Variants in MRTFA observed in about 807,000 individuals in gnomAD.
The protein encoded by MRTFA is myocardin related transcription factor A.
Under a neutral mutation model 83.5 loss-of-function variants are expected in MRTFA, and 20 were observed. The observed-to-expected ratio is 0.24, with a 90% CI of 0.17 to 0.35. The LOEUF is 0.35. Among genes scored for constraint, MRTFA ranks in the 10% least tolerant of loss-of-function variants. MRTFA has a pLI of 1.00. For synonymous variants in MRTFA, 659 were observed against 541.2 expected, an observed-to-expected ratio of 1.22 and a Z score of -3.02; for missense variants, 1,200 against 1,224.7, an observed-to-expected ratio of 0.98 and a Z score of 0.30.
chr22:40,423,782 G>A (rs1261189917), intron 8 of MRTFA, 97 bp from the exon 9 acceptor site: 25 of 1,158,146 alleles, frequency 2.2e-5, no homozygotes, highest in Non-Finnish European at 2.9e-5. Flanking sequence ...CGCCACCATT[G>A]TCAGAGGGCA....
chr22:40,436,226 C>A (rs62239076), intron 4 of MRTFA: 4,704 of 154,884 alleles, frequency 0.03, 117 homozygotes, highest in Non-Finnish European at 0.048. Context: ...CTAGGCCTCA[C>A]ATTATTCTCA....
chr22:40,590,021 C>CG (rs1470401163), intron 2 of MRTFA, among the ~76,000 whole-genome samples: 5 of 134,794 alleles, frequency 3.7e-5, no homozygotes, highest in South Asian at 2.3e-4. Context: ...GACTCCGTCT[C>CG]GAAAAAAAAA....
intron 2 of MRTFA, among the ~76,000 whole-genome samples, chr22:40,593,751 T>C (rs2056152965): frequency 6.6e-6 from 1 of 152,198 alleles, no homozygotes; most frequent in Admixed American, 6.5e-5. Context: ...CAAGAACCTG[T>C]GCTAAGTGTA....
At chr22:40,541,483 T>C (rs141425151) in intron 3 of MRTFA, among the ~76,000 whole-genome samples, 11 of 152,264 alleles carry the variant, frequency 7.2e-5, no homozygotes, top group African/African-American at 2.6e-4. Flanking sequence ...ACTCAAAAGA[T>C]AACATAACCC....
chr22:40,421,244 C>T (rs775566462), intron 9 of MRTFA, 144 bp from the exon 10 acceptor site: 80 of 907,988 alleles, frequency 8.8e-5, no homozygotes, highest in Non-Finnish European at 1.1e-4. Context: ...CCTGTGGGAC[C>T]GTACACCCCG....
intron 2 of MRTFA, among the ~76,000 whole-genome samples, chr22:40,559,349 C>T (rs2055579649): frequency 6.6e-6 from 1 of 152,152 alleles, no homozygotes; most frequent in Non-Finnish European, 1.5e-5. Flanking sequence ...GATCATGCCA[C>T]TGCACTCCAG....
At chr22:40,432,975 G>C (rs1460313379) in intron 5 of MRTFA, among the ~76,000 whole-genome samples, 1 of 152,176 alleles carries the variant, frequency 6.6e-6, no homozygotes, top group Non-Finnish European at 1.5e-5. Flanking sequence ...ATATAGTACT[G>C]ATTAAGAAAA....
At chr22:40,480,311 G>C (rs2054067017) in intron 3 of MRTFA, among the ~76,000 whole-genome samples, 1 of 151,338 alleles carries the variant, frequency 6.6e-6, no homozygotes, top group Non-Finnish European at 1.5e-5. Context: ...ATGGGGTCCT[G>C]CATTGTTGCC....
chr22:40,444,006 C>T (rs1224518623), intron 4 of MRTFA, among the ~76,000 whole-genome samples: 10 of 152,128 alleles, frequency 6.6e-5, no homozygotes. Flanking sequence ...ATGAGAAGTC[C>T]CTCTCCTACC....
chr22:40,478,488 G>A (rs541316541), intron 3 of MRTFA, among the ~76,000 whole-genome samples: 10 of 152,182 alleles, frequency 6.6e-5, no homozygotes, highest in African/African-American at 2.2e-4. Flanking sequence ...CAAAACCCAC[G>A]GAGGGCCTTT....
chr22:40,515,503 G>A (rs2054743101), intron 3 of MRTFA, among the ~76,000 whole-genome samples: 1 of 151,862 alleles, frequency 6.6e-6, no homozygotes. Context: ...AGATCAGCCT[G>A]GCAATAGAGC....
rs1028323041 is a variant in MRTFA, at chr22:40,626,816, G to A, written c.-84+9662C>T. Among the ~76,000 whole-genome samples the A allele has an allele frequency of 7.3e-5, 11 of 151,666 alleles. No homozygotes were observed. The East Asian group carries it at 7.8e-4, about 11-fold the overall frequency. On this transcript the variant is annotated intron_variant, in intron 1 of 14. Transcript: ENST00000355630. ...GGGGTTCAAGGTTACAGTGAGCTAC[G>A]ATCGTGCCACTGCGATCCAGCCTGT...
intron 4 of MRTFA, among the ~76,000 whole-genome samples, chr22:40,454,872 C>T (rs1378314125): frequency 6.6e-6 from 1 of 152,230 alleles, no homozygotes; most frequent in African/African-American, 2.4e-5. Flanking sequence ...CAGCTCACTG[C>T]AACCTTGACC....
intron 3 of MRTFA, among the ~76,000 whole-genome samples, chr22:40,549,710 A>G (rs2055416499): frequency 6.6e-6 from 1 of 152,212 alleles, no homozygotes. Context: ...TTATACTTCC[A>G]TAACAGGAGT....
chr22:40,417,304 C>T, intron 13 of MRTFA, 37 bp downstream of exon 13: 1 of 1,599,440 alleles, frequency 6.3e-7, no homozygotes, highest in Non-Finnish European at 8.5e-7. Flanking sequence ...CCTAGGGCAG[C>T]TGCCAACACT....
At chr22:40,453,521 G>A (rs1404860076) in intron 4 of MRTFA, among the ~76,000 whole-genome samples, 2 of 152,168 alleles carry the variant, frequency 1.3e-5, no homozygotes, top group African/African-American at 4.8e-5. Flanking sequence ...GTTGAGAGAT[G>A]ATCACACAGA....
chr22:40,433,084 T>C (rs1381148008), intron 5 of MRTFA: 6 of 152,436 alleles, frequency 3.9e-5, no homozygotes, highest in Non-Finnish European at 8.8e-5. Context: ...CCTTCCCACA[T>C]ACCTACACAT....
Position 40,550,048 on chromosome 22 carries a change from CAAAAAA to C in MRTFA, c.241+2052_241+2057del, listed in dbSNP as rs3044559. 2.5e-3 allele frequency among the ~76,000 whole-genome samples: 326 copies of C among 130,176 alleles called. 1 individual carries two copies. Among genetic ancestry groups the C allele is most frequent in the Middle Eastern group, 8.0e-3 (2 of 250 alleles). The allele number at this position is 130,176 out of a possible 152,430, so 85.4% of individuals were successfully genotyped here. A position where few individuals can be genotyped will look rare whatever the true frequency, so the allele number is the denominator to read the frequency against. On this transcript the variant is annotated intron_variant, in intron 3 of 14. Coordinates refer to ENST00000355630, the MANE Select transcript of MRTFA (RefSeq NM_020831.6). ...TGGGCAACAGAGTGAGACTCTGTTG[CAAAAAA>C]AAAAAAAAAAAAAATTAAATTTAAA...
chr22:40,589,207 G>T (rs1385823972), intron 2 of MRTFA, among the ~76,000 whole-genome samples: 1 of 152,030 alleles, frequency 6.6e-6, no homozygotes, highest in Non-Finnish European at 1.5e-5. Flanking sequence ...GAATGTCTAT[G>T]ATTATTTCCT....
Sources: allele counts gnomAD v4.1 joint callset (sites outside exome capture counted in the v4.1 genomes callset), GRCh38; gene constraint gnomAD v4.1.1; transcripts MANE v1.5; gene names NCBI Gene and HGNC (gene_info 2026-07-23, HGNC 2026-07-21).